GRM7: variants seen among roughly 807,000 people sequenced by gnomAD.
The protein encoded by GRM7 is glutamate metabotropic receptor 7.
GRM7 carries 35 observed loss-of-function variants against 84.5 expected under a neutral mutation model. The ratio of observed to expected loss-of-function variants is 0.41; its 90% CI spans 0.32 to 0.55. GRM7 has a LOEUF of 0.55. GRM7 is among the 20% of genes least tolerant of loss of function. The pLI is 0.19. For missense variants in GRM7, 1,003 were observed against 1,194.6 expected (o/e 0.84, Z 2.36); for synonymous variants, 487 against 455.1 (o/e 1.07, Z -0.89).
chr3:7,461,666 A>G lies in GRM7; in HGVS notation c.1459A>G (p.Thr487Ala), dbSNP rs1219017147. 1.2e-6 allele frequency: 2 copies of G among 1,613,778 alleles called. No individual in the cohort carries two copies. The highest frequency in any genetic ancestry group is 2.7e-5 in the African/African-American group (2 of 74,908). The change falls in exon 7 of 10, where the codon ACC becomes GCC. Residue 487 changes from threonine (T) to alanine (A), a missense_variant. By Grantham distance (58) the Thr-to-Ala change is moderately conservative (BLOSUM62 0). Transcript: ENST00000357716. Reference sequence around the variant, plus strand: ...CATCTTTCAGTACCAGACCACAAACACCAGCAACCCGGGTTACCGTCTGAT... The same window carrying G: ...CATCTTTCAGTACCAGACCACAAACGCCAGCAACCCGGGTTACCGTCTGAT... ...YDIFQYQTTN[T>A]SNPGYRLIGQ...
chr3:7,036,501 C>A (rs1461770295), intron 1 of GRM7, among the ~76,000 whole-genome samples: 1 of 152,096 alleles, frequency 6.6e-6, no homozygotes, highest in Non-Finnish European at 1.5e-5. Context: ...ATTATAGAAT[C>A]TCCAACACTT....
chr3:7,699,680 G>C (rs1480136543), intron 9 of GRM7, among the ~76,000 whole-genome samples: 2 of 151,946 alleles, frequency 1.3e-5, no homozygotes, highest in African/African-American at 4.8e-5. Context: ...CATTGGGAAG[G>C]ATTACAAAGA....
chr3:6,918,126 A>G (rs1697005182), intron 1 of GRM7, among the ~76,000 whole-genome samples: 1 of 152,190 alleles, frequency 6.6e-6, no homozygotes, highest in Admixed American at 6.6e-5. Context: ...TGAGTCAGGT[A>G]AAACAAGTCC....
At position 7,663,816 on chromosome 3, in the gene GRM7, T is replaced by TAAAC. The variant is rs1452147406; in HGVS notation, c.2452-16231_2452-16228dup. Reference sequence around the variant, plus strand: ...TAATACATTGGCACATAAGGATTTATAAACAGCCTTTATACGAATTCCCAC... The same window carrying TAAAC: ...TAATACATTGGCACATAAGGATTTATAAACAAACAGCCTTTATACGAATTCCCAC... On this transcript the variant is annotated intron_variant, in intron 8 of 9. Coordinates refer to ENST00000357716, the MANE Select transcript of GRM7 (RefSeq NM_000844.4). Among the ~76,000 whole-genome samples the TAAAC allele has an allele frequency of 3.0e-4, 46 of 152,336 alleles. No homozygotes were observed. The East Asian group carries it at 7.7e-3, about 26-fold the overall frequency.
At chr3:7,014,149 A>G (rs868474114) in intron 1 of GRM7, among the ~76,000 whole-genome samples, 1 of 152,078 alleles carries the variant, frequency 6.6e-6, no homozygotes, top group Non-Finnish European at 1.5e-5. Flanking sequence ...TCTACTGATG[A>G]TCATTGTCTG....
chr3:7,527,535 G>T (rs1041775991), intron 7 of GRM7, among the ~76,000 whole-genome samples: 14 of 151,976 alleles, frequency 9.2e-5, no homozygotes, highest in African/African-American at 3.4e-4. Flanking sequence ...ATTGCCTGAT[G>T]GCTCTGGATA....
At chr3:7,403,202 T>A (rs1695525826) in intron 4 of GRM7, 1 of 444,304 alleles carries the variant, frequency 2.3e-6, no homozygotes, top group Non-Finnish European at 4.6e-6. Context: ...TTTGCTGAAT[T>A]GATTAATAAT....
At chr3:7,304,428 T>C (rs941144343) in intron 3 of GRM7, among the ~76,000 whole-genome samples, 3 of 151,438 alleles carry the variant, frequency 2.0e-5, no homozygotes, top group Non-Finnish European at 4.4e-5. Context: ...AGAGGTCTTA[T>C]ATTTCGTGAT....
intron 8 of GRM7, among the ~76,000 whole-genome samples, chr3:7,604,929 T>G (rs1696491352): frequency 6.6e-6 from 1 of 152,188 alleles, no homozygotes. Context: ...AATAGAAAAG[T>G]GCTTCCTTAT....
chr3:7,178,300 T>C lies in GRM7; in HGVS notation c.736+31632T>C, dbSNP rs974304693. Among the ~76,000 whole-genome samples, 35 of 152,308 alleles carry C rather than the reference T, an allele frequency of 2.3e-4. 4 individuals carry two copies. The highest frequency in any genetic ancestry group is 1.2e-3 in the Admixed American group (18 of 15,304). ...CTTAGAAGCTTTTTTTTAGGTCTTT[T>C]TCATTGCCTTGTTTCTGCCACTCTC... is the stretch of plus-strand genomic sequence containing the variant. On this transcript the variant is annotated intron_variant, in intron 2 of 9. Coordinates refer to ENST00000357716, the MANE Select transcript of GRM7 (RefSeq NM_000844.4).
chr3:7,184,289 A>G (rs1456138339), intron 2 of GRM7, among the ~76,000 whole-genome samples: 1 of 152,136 alleles, frequency 6.6e-6, no homozygotes, highest in African/African-American at 2.4e-5. Flanking sequence ...TCTTTCCTAG[A>G]CATTGCCCCT....
intron 7 of GRM7, among the ~76,000 whole-genome samples, chr3:7,566,109 T>TTTTTG (rs1559406751): frequency 5.3e-4 from 14 of 26,434 alleles, no homozygotes; most frequent in East Asian, 3.4e-3. Context: ...AGCTGTTTTT[T>TTTTTG]TTTTTTTTTT....
chr3:6,894,560 T>C (rs1040960032), intron 1 of GRM7, among the ~76,000 whole-genome samples: 2 of 152,118 alleles, frequency 1.3e-5, no homozygotes, highest in African/African-American at 2.4e-5. Context: ...TATAGGTGTA[T>C]ATATATACAT....
intron 1 of GRM7, among the ~76,000 whole-genome samples, chr3:6,986,047 A>G (rs1034002555): frequency 6.6e-5 from 10 of 152,116 alleles, no homozygotes; most frequent in Non-Finnish European, 5.9e-5. Flanking sequence ...CTTTGCACGT[A>G]CCTGGTGGCC....
At chr3:6,921,084 C>T (rs143151324) in intron 1 of GRM7, among the ~76,000 whole-genome samples, 193 of 152,294 alleles carry the variant, frequency 1.3e-3, no homozygotes, top group Middle Eastern at 3.4e-3. Context: ...ACATTGGCTT[C>T]GAGAAGTCTG....
At chr3:7,663,640 A>G (rs1341286019) in intron 8 of GRM7, among the ~76,000 whole-genome samples, 1 of 152,240 alleles carries the variant, frequency 6.6e-6, no homozygotes, top group East Asian at 1.9e-4. Flanking sequence ...CATTGTTAAC[A>G]CATTATTTCA....
intron 9 of GRM7, chr3:7,686,489 G>A (rs1700590809): frequency 1.2e-6 from 1 of 849,344 alleles, no homozygotes; most frequent in Non-Finnish European, 2.0e-6. Context: ...ATGTGTTCTT[G>A]TCTCCAATGA....
At chr3:7,255,058 CT>C (rs770641493) in intron 2 of GRM7, among the ~76,000 whole-genome samples, 2 of 152,138 alleles carry the variant, frequency 1.3e-5, no homozygotes, top group Non-Finnish European at 2.9e-5. Flanking sequence ...CCATTTTCCT[CT>C]GCAAATATTT....
At chr3:7,322,712 A>G (rs998763728) in intron 4 of GRM7, among the ~76,000 whole-genome samples, 4 of 152,140 alleles carry the variant, frequency 2.6e-5, no homozygotes, top group African/African-American at 9.6e-5. Flanking sequence ...AACTCCATCC[A>G]GGTTGCTGAC....
Sources: gnomAD v4.1 joint callset for allele counts (sites outside exome capture counted in the v4.1 genomes callset) on GRCh38, gnomAD v4.1.1 for gene constraint, MANE v1.5 for transcripts, NCBI Gene and HGNC (gene_info 2026-07-23, HGNC 2026-07-21) for gene names.